USP25: variants seen among roughly 807,000 people sequenced by gnomAD.
The protein encoded by USP25 is ubiquitin carboxyl-terminal hydrolase 25.
Under a neutral mutation model 158.5 loss-of-function variants are expected in USP25, and 85 were observed. The ratio of observed to expected loss-of-function variants is 0.54; its 90% confidence interval spans 0.45 to 0.64. The LOEUF (loss-of-function observed/expected upper bound fraction) is 0.64, where lower values mean the gene tolerates loss of function less well. USP25 is among the 30% of genes least tolerant of loss of function. USP25 has a pLI of 0.00. For missense variants in USP25, 1,242 were observed against 1,327.3 expected (o/e 0.94, Z 1.00); for synonymous variants, 464 against 460.4 (o/e 1.01, Z -0.10).
intron 14 of USP25, among the ~76,000 whole-genome samples, chr21:15,829,894 T>TATAGTTTTTCAAGGTTTCTTC (rs2037713551): frequency 6.6e-6 from 1 of 152,150 alleles, no homozygotes; most frequent in African/African-American, 2.4e-5. Flanking sequence ...CCAGTTTCTT[T>TATAGTTTTTCAAGGTTTCTTC]TATAGTTTTT....
chr21:15,802,581 C>A (rs547784393), intron 6 of USP25, among the ~76,000 whole-genome samples: 9 of 151,502 alleles, frequency 5.9e-5, no homozygotes, highest in East Asian at 1.9e-4. Context: ...TGAGTAATGT[C>A]AGAATATTGT....
At chr21:15,845,005 G>A (rs890235203) in intron 18 of USP25, among the ~76,000 whole-genome samples, 1 of 152,032 alleles carries the variant, frequency 6.6e-6, no homozygotes, top group Admixed American at 6.6e-5. Flanking sequence ...TAAATAGGCT[G>A]CTAGAAATGA....
Position 15,827,039 on chromosome 21 carries a change from C to T in USP25, c.1529C>T (p.Ala510Val). 6.2e-7 allele frequency: 1 copy of T among 1,614,180 alleles called. No homozygotes were observed. The highest frequency in any genetic ancestry group is 1.1e-5 in the South Asian group (1 of 91,086). Residue 510 changes from alanine to valine, a missense_variant, in exon 14 of 26, where the codon GCT becomes GTT. Physicochemically the swap from Ala to Val is moderately conservative, Grantham distance 64. Transcript: ENST00000400183. The part of the protein sequence containing the change: ...ELPSTSPSSV[A>V]AISSRSVIHK... ...CCAAGCACATCACCTTCATCAGTTG[C>T]TGCCATTTCATCGAGATCAGTAATA...
chr21:15,817,375 G>GGATGAAGAAATAAAT (rs2036995820), intron 9 of USP25, among the ~76,000 whole-genome samples: 7 of 152,032 alleles, frequency 4.6e-5, no homozygotes, highest in African/African-American at 1.4e-4. Context: ...CTTCATCCAT[G>GGATGAAGAAATAAAT]CTACCTTTAT....
intron 16 of USP25, among the ~76,000 whole-genome samples, chr21:15,832,946 A>G (rs546689102): frequency 6.6e-6 from 1 of 152,198 alleles, no homozygotes; most frequent in African/African-American, 2.4e-5. Flanking sequence ...TGAACCCGGA[A>G]GGCGGAGGTT....
At chr21:15,862,315 G>A (rs918103177) in intron 20 of USP25, among the ~76,000 whole-genome samples, 3 of 151,994 alleles carry the variant, frequency 2.0e-5, no homozygotes, top group African/African-American at 2.4e-5. Flanking sequence ...GTTCATTGGA[G>A]TATCATGGAT....
intron 1 of USP25, among the ~76,000 whole-genome samples, chr21:15,750,212 ATG>A (rs1191253830): frequency 9.8e-5 from 7 of 71,166 alleles, no homozygotes; most frequent in Non-Finnish European, 1.1e-4. Context: ...GTGTGTGTGT[ATG>A]TTTTTTTTTT....
chr21:15,819,097 T>C (rs943958143), intron 10 of USP25, among the ~76,000 whole-genome samples: 3 of 152,182 alleles, frequency 2.0e-5, no homozygotes, highest in African/African-American at 7.2e-5. Flanking sequence ...GTTCAGTCTT[T>C]TTAGACCTTT....
At chr21:15,742,798 G>A (rs778633455) in intron 1 of USP25, among the ~76,000 whole-genome samples, 6 of 152,218 alleles carry the variant, frequency 3.9e-5, no homozygotes, top group Admixed American at 6.5e-5. Flanking sequence ...TACACTCACT[G>A]GGCTCGCTCT....
chr21:15,813,988 G>A (rs746208515), intron 9 of USP25, among the ~76,000 whole-genome samples: 3 of 151,388 alleles, frequency 2.0e-5, no homozygotes, highest in Non-Finnish European at 2.9e-5. Context: ...GGACCCAGGG[G>A]GAGGTAATTG....
intron 20 of USP25, among the ~76,000 whole-genome samples, chr21:15,850,664 A>G (rs1383051665): frequency 8.6e-5 from 13 of 151,932 alleles, no homozygotes; most frequent in Admixed American, 8.5e-4. Flanking sequence ...TTGACATTAA[A>G]AATCTAACAT....
intron 4 of USP25, among the ~76,000 whole-genome samples, chr21:15,780,425 G>A (rs1369262220): frequency 1.3e-5 from 2 of 152,204 alleles, no homozygotes; most frequent in African/African-American, 4.8e-5. Context: ...GTGGAGTATG[G>A]ACAGTTGAAA....
intron 7 of USP25, among the ~76,000 whole-genome samples, chr21:15,806,424 G>A (rs928452086): frequency 2.2e-5 from 1 of 45,388 alleles, no homozygotes; most frequent in South Asian, 9.2e-4. Flanking sequence ...TCTTTTTTCT[G>A]GTTTCTTTTT....
At chr21:15,803,897 A>G (rs868424489) in intron 6 of USP25, among the ~76,000 whole-genome samples, 6 of 151,844 alleles carry the variant, frequency 4.0e-5, no homozygotes, top group Non-Finnish European at 8.8e-5. Flanking sequence ...GGGTTATACT[A>G]TTTTGGGCAG....
chr21:15,814,960 C>A (rs935474987), intron 9 of USP25, among the ~76,000 whole-genome samples: 1 of 152,102 alleles, frequency 6.6e-6, no homozygotes, highest in Admixed American at 6.5e-5. Context: ...CCTGGCAGCC[C>A]CTCCCATCAT....
chr21:15,774,119 T>A (rs1483524559), intron 3 of USP25, among the ~76,000 whole-genome samples: 2 of 152,202 alleles, frequency 1.3e-5, no homozygotes, highest in Non-Finnish European at 2.9e-5. Flanking sequence ...TCTTAAAGAT[T>A]AGTTGCAATG....
At chr21:15,845,468 A>C (rs1302087631) in intron 18 of USP25, among the ~76,000 whole-genome samples, 2 of 152,122 alleles carry the variant, frequency 1.3e-5, no homozygotes, top group Non-Finnish European at 2.9e-5. Flanking sequence ...ATGATACTAC[A>C]GAATTATTAT....
At chr21:15,807,487 T>A (rs1015494962) in intron 7 of USP25, among the ~76,000 whole-genome samples, 2 of 152,172 alleles carry the variant, frequency 1.3e-5, no homozygotes, top group Non-Finnish European at 2.9e-5. Flanking sequence ...AAACAAAAGG[T>A]TATTCTCTAA....
chr21:15,792,658 A>C (rs2035653519), intron 5 of USP25, among the ~76,000 whole-genome samples: 1 of 151,608 alleles, frequency 6.6e-6, no homozygotes, highest in African/African-American at 2.4e-5. Context: ...CTACAAGTTA[A>C]TTGTTTTTGC....
Sources: allele counts gnomAD v4.1 joint callset (sites outside exome capture counted in the v4.1 genomes callset), GRCh38; gene constraint gnomAD v4.1.1; transcripts MANE v1.5; gene names NCBI Gene and HGNC (gene_info 2026-07-23, HGNC 2026-07-21).